Variants in ACP6 observed in about 807,000 individuals in gnomAD.
ACP6 encodes lysophosphatidic acid phosphatase type 6.
Under a neutral mutation model 48.1 loss-of-function variants are expected in ACP6, and 48 were observed. That is an observed-to-expected ratio of 1.00 (90% CI 0.79 to 1.27). ACP6 has a LOEUF of 1.27. Ranked by LOEUF, ACP6 falls within the 50% of genes most tolerant of loss-of-function variation. The pLI, the probability that ACP6 is intolerant of heterozygous loss-of-function variation, is 0.00. For missense variants in ACP6, 485 were observed against 529.1 expected (o/e 0.92, Z 0.82); for synonymous variants, 172 against 204.2 (o/e 0.84, Z 1.34).
rs57515690 is a variant in ACP6 at position 147,644,602 on chromosome 1, A to G, written c.*2821T>C. On this transcript the variant is annotated 3_prime_UTR_variant, in exon 10 of 10. Transcript: ENST00000583509. The stretch of plus-strand genomic sequence containing the variant: ...ATGACACTGGGACTAAGACAGTAGC[A>G]ATGGAAGTATTGGGACATGGTCAAT... The G allele has an allele frequency of 0.06, 9,169 of 152,306 alleles. 759 individuals carry two copies. The highest frequency in any genetic ancestry group is 0.19 in the African/African-American group (7,821 of 41,516). The allele number at this position is 152,306 out of a possible 1,614,324, so 9.4% of individuals were successfully genotyped here.
intron 5 of ACP6, chr1:147,631,204 T>G (rs1275554956): frequency 6.6e-6 from 1 of 152,190 alleles, no homozygotes; most frequent in Non-Finnish European, 1.5e-5. Context: ...TGTCTTAAAC[T>G]TAACCTCTGA....
rs112739473 is a variant in ACP6, at chr1:147,662,653, G to A, written c.220-2878C>T. 1.9e-3 allele frequency among the ~76,000 whole-genome samples: 286 copies of A among 152,310 alleles called. 1 individual carries two copies. Among genetic ancestry groups the A allele is most frequent in the African/African-American group, 6.7e-3 (278 of 41,570 alleles). ...GCATGAGAAGTTACTACAAAGAAGT[G>A]GTTCCTTGAGAGGGAATCTAGTCCT... On this transcript the variant is annotated intron_variant, in intron 1 of 9. Transcript: ENST00000583509.
chr1:147,654,229 A>G lies in ACP6; in HGVS notation c.745T>C (p.Phe249Leu). 1 of 1,614,242 alleles carries G rather than the reference A, an allele frequency of 6.2e-7. No individual in the cohort carries two copies. The highest frequency in any genetic ancestry group is 2.2e-5 in the East Asian group (1 of 44,888). Residue 249 changes from phenylalanine (F) to leucine (L), a missense_variant, in exon 6 of 10, where the codon TTC (phenylalanine) becomes CTC (leucine). Phe to Leu is a conservative substitution (Grantham distance 22). Coordinates refer to ENST00000583509, the MANE Select transcript of ACP6 (RefSeq NM_016361.5). ...GCCACGTTGTCCAGGAGGATGAAGA[A>G]GTCCACTTTATCACTACTGTCAATG... Reference protein sequence around the residue: ...MGIDSSDKVDFFILLDNVAAE... With the variant: ...MGIDSSDKVDLFILLDNVAAE...
At chr1:147,635,473 TC>T (rs1391165652) in intron 5 of ACP6, among the ~76,000 whole-genome samples, 1 of 152,246 alleles carries the variant, frequency 6.6e-6, no homozygotes, top group Non-Finnish European at 1.5e-5. Flanking sequence ...TTTTACTTCT[TC>T]ATTACTTTTT....
At chr1:147,663,807 T>C (rs184705873) in intron 1 of ACP6, among the ~76,000 whole-genome samples, 141 of 152,304 alleles carry the variant, frequency 9.3e-4, no homozygotes, top group Non-Finnish European at 9.4e-4. Flanking sequence ...TATCTGCCCA[T>C]CACCTTGTCT....
At chr1:147,648,495 C>T in intron 8 of ACP6, 84 bp from the exon 9 acceptor site, 2 of 1,494,058 alleles carry the variant, frequency 1.3e-6, no homozygotes, top group East Asian at 2.3e-5. Flanking sequence ...ACGTAAGACA[C>T]ACTTGCCTCA....
rs587774962 is a variant in ACP6, at chr1:147,645,116, T to G, written c.*2307A>C. On this transcript the variant is annotated 3_prime_UTR_variant, in exon 10 of 10. Coordinates refer to ENST00000583509, the MANE Select transcript of ACP6 (RefSeq NM_016361.5). ...CCTCAGCCTCCCAAGTAGCTGGGAT[T>G]ACAGGCACATTGTACTCCATAAATA... The G allele has an allele frequency of 8.5e-5, 13 of 152,154 alleles. No homozygotes were observed. In the East Asian group the frequency reaches 2.1e-3, roughly 25 times the overall value. 9.4% of individuals were successfully genotyped at this position (152,154 alleles called of 1,614,324 possible).
intron 1 of ACP6, among the ~76,000 whole-genome samples, chr1:147,662,138 G>GA (rs1158344334): frequency 6.6e-6 from 1 of 152,162 alleles, no homozygotes; most frequent in Non-Finnish European, 1.5e-5. Flanking sequence ...CTGCTCAAAA[G>GA]AAAAAATTGA....
chr1:147,657,149 A>ATAT (rs1660298808), intron 4 of ACP6, among the ~76,000 whole-genome samples: 1 of 152,202 alleles, frequency 6.6e-6, no homozygotes. Flanking sequence ...AACACTAATA[A>ATAT]TATTATAAAC....
At position 147,647,503 on chromosome 1, in the gene ACP6, A is replaced by C. The variant is rs1480824984; in HGVS notation, c.1207T>G (p.Ser403Ala). 7.4e-6 allele frequency: 12 copies of C among 1,614,058 alleles called. No individual in the cohort carries two copies. The highest frequency in any genetic ancestry group is 1.0e-5 in the Non-Finnish European group (12 of 1,180,038). Residue 403 changes from serine to alanine, a missense_variant, in exon 10 of 10, where the codon TCA (serine) becomes GCA (alanine). By Grantham distance (99) the Ser-to-Ala change is moderately conservative. Coordinates refer to ENST00000583509, the MANE Select transcript of ACP6 (RefSeq NM_016361.5). ...CPLDMFLNAMSVYTLSPEKYH... is the reference protein window; with the variant it reads ...CPLDMFLNAMAVYTLSPEKYH... The stretch of plus-strand genomic sequence containing the variant: ...TTTTCTGGGCTTAAGGTATAAACTG[A>C]CATGGCATTCAAGAACATGTCCAGC...
chr1:147,643,372 G>T lies in ACP6; in HGVS notation c.*4051C>A, dbSNP rs1233079658. On this transcript the variant is annotated 3_prime_UTR_variant, in exon 10 of 10. Transcript: ENST00000583509. ...TCAAGTGAGGACTTACTGTACTAGG[G>T]GTTAAGATGTCAACATATGGATTTA... The T allele has an allele frequency of 2.0e-5, 3 of 152,146 alleles. No homozygotes were observed. Among genetic ancestry groups the T allele is most frequent in the Non-Finnish European group, 4.4e-5 (3 of 68,048 alleles). The allele number at this position is 152,146 out of a possible 1,614,324, so 9.4% of individuals were successfully genotyped here. A position where few individuals can be genotyped will look rare whatever the true frequency, so the allele number is the denominator to read the frequency against.
chr1:147,658,291 T>C (rs1239805750), intron 4 of ACP6, among the ~76,000 whole-genome samples: 2 of 152,256 alleles, frequency 1.3e-5, no homozygotes, highest in Non-Finnish European at 2.9e-5. Flanking sequence ...CCTTTGCTTT[T>C]TGGCACCTTT....
At chr1:147,631,686 CA>C (rs781843972) in intron 5 of ACP6, among the ~76,000 whole-genome samples, 19 of 152,080 alleles carry the variant, frequency 1.2e-4, no homozygotes, top group Non-Finnish European at 2.2e-4. Flanking sequence ...TGGTGGCACA[CA>C]CCGGCAGTCC....
Position 147,670,149 on chromosome 1 carries a change from A to T in ACP6, c.-101T>A. 3 of 1,115,222 alleles carry T rather than the reference A, an allele frequency of 2.7e-6. No homozygotes were observed. Among genetic ancestry groups the T allele is most frequent in the African/African-American group, 1.6e-5 (1 of 63,580 alleles). 69.1% of individuals were successfully genotyped at this position (1,115,222 alleles called of 1,614,324 possible). ...AGCGGGCGCCCCCAAGTCCGCGGGA[A>T]CCTGCGGATGCGTACATCCAGCCCT... On this transcript the variant is annotated 5_prime_UTR_variant, in exon 1 of 10. Transcript: ENST00000583509.
At chr1:147,631,554 G>A (rs587730209) in intron 5 of ACP6, among the ~76,000 whole-genome samples, 7 of 152,254 alleles carry the variant, frequency 4.6e-5, no homozygotes, top group Admixed American at 2.6e-4. Context: ...TGTGGCTCAC[G>A]CCTGTAATCC....
intron 5 of ACP6, among the ~76,000 whole-genome samples, chr1:147,634,996 G>C (rs1483029005): frequency 6.6e-6 from 1 of 152,180 alleles, no homozygotes; most frequent in Non-Finnish European, 1.5e-5. Flanking sequence ...TACTAATAAT[G>C]ATTGCTGCTT....
At chr1:147,640,286 A>G (rs1439258926), downstream of ACP6, among the ~76,000 whole-genome samples, 2 of 152,126 alleles carry the variant, frequency 1.3e-5, no homozygotes, top group African/African-American at 2.4e-5. Context: ...CTTATCTCCA[A>G]GGTAGGTGCT....
intron 9 of ACP6, chr1:147,647,772 G>A: frequency 1.5e-6 from 1 of 681,694 alleles, no homozygotes; most frequent in Non-Finnish European, 2.4e-6. Context: ...GTGTTGAATT[G>A]ACTGGGAAGA....
At chr1:147,661,838 C>G (rs1553212808) in intron 1 of ACP6, among the ~76,000 whole-genome samples, 2 of 152,298 alleles carry the variant, frequency 1.3e-5, no homozygotes, top group East Asian at 3.9e-4. Context: ...GCAGAAGAAA[C>G]AGCCTATATA....
Sources: gnomAD v4.1 joint callset for allele counts (sites outside exome capture counted in the v4.1 genomes callset) on GRCh38, gnomAD v4.1.1 for gene constraint, MANE v1.5 for transcripts, NCBI Gene and HGNC (gene_info 2026-07-23, HGNC 2026-07-21) for gene names.